The following PRUNE2 variants were observed in gnomAD, a reference collection of about 807,000 sequenced individuals.
PRUNE2 encodes protein prune homolog 2.
PRUNE2 carries 164 observed loss-of-function variants against 252.0 expected under a neutral mutation model. The ratio of observed to expected loss-of-function variants is 0.65; its 90% CI spans 0.57 to 0.74. The LOEUF (loss-of-function observed/expected upper bound fraction) is 0.74, where lower values mean the gene tolerates loss of function less well. Ranked by LOEUF, PRUNE2 falls within the 30% of genes least tolerant of loss-of-function variation. PRUNE2 has a pLI of 0.00. For missense variants in PRUNE2, 3,495 were observed against 3,711.0 expected (o/e 0.94, Z 1.51); for synonymous variants, 1,292 against 1,350.2 (o/e 0.96, Z 0.94).
chr9:76,698,331 G>A (rs1249741902), intron 9 of PRUNE2, among the ~76,000 whole-genome samples: 2 of 152,180 alleles, frequency 1.3e-5, no homozygotes, highest in African/African-American at 4.8e-5. Context: ...ACAGGCGTGA[G>A]CCACCGTGCC....
chr9:76,617,585 C>T (rs1482470880), intron 18 of PRUNE2, among the ~76,000 whole-genome samples: 2 of 152,034 alleles, frequency 1.3e-5, no homozygotes, highest in African/African-American at 4.8e-5. Context: ...GATCTTGTGC[C>T]TCTTAAGGGC....
At chr9:76,893,126 T>C (rs528285454) in intron 1 of PRUNE2, among the ~76,000 whole-genome samples, 1 of 152,208 alleles carries the variant, frequency 6.6e-6, no homozygotes, top group African/African-American at 2.4e-5. Context: ...ATGCCTGTAG[T>C]CGTAGCTACT....
chr9:76,879,931 T>TTTTTTTG (rs2061682041), intron 1 of PRUNE2, among the ~76,000 whole-genome samples: 2 of 135,174 alleles, frequency 1.5e-5, no homozygotes, highest in African/African-American at 5.8e-5. Context: ...TTTTTTTTTT[T>TTTTTTTG]GAGACGGAGT....
chr9:76,720,746 T>C (rs1045205006), intron 6 of PRUNE2, among the ~76,000 whole-genome samples: 1 of 152,210 alleles, frequency 6.6e-6, no homozygotes, highest in Non-Finnish European at 1.5e-5. Flanking sequence ...AACTTTCAAA[T>C]AATAATCACA....
intron 6 of PRUNE2, among the ~76,000 whole-genome samples, chr9:76,807,092 C>T (rs902650256): frequency 2.0e-5 from 3 of 151,396 alleles, no homozygotes; most frequent in African/African-American, 7.3e-5. Flanking sequence ...TAGACAGGGT[C>T]TTGCTTTGTT....
Position 76,613,677 on chromosome 9 carries a change from G to T in PRUNE2, c.*893C>A, listed in dbSNP as rs1345577944. 1 of 152,180 alleles carries T rather than the reference G, an allele frequency of 6.6e-6. No homozygotes were observed. Among genetic ancestry groups the T allele is most frequent in the Non-Finnish European group, 1.5e-5 (1 of 68,038 alleles). 9.4% of individuals were successfully genotyped at this position (152,180 alleles called of 1,614,324 possible). ...TACTCATATTTAATTTTAAGCCTAT[G>T]ATCAGATTACGGTGTTTTAAAGCAG... On this transcript the variant is annotated 3_prime_UTR_variant, in exon 19 of 19. Transcript: ENST00000376718.
chr9:76,823,700 T>C lies in PRUNE2; in HGVS notation c.688A>G (p.Lys230Glu). Reference sequence around the variant, plus strand: ...CCATCTGACAGCTCCTTTAGATCTTTCAACATTGTCTGTTCAATACTTAAA... The same window carrying C: ...CCATCTGACAGCTCCTTTAGATCTTCCAACATTGTCTGTTCAATACTTAAA... ...QGLSIEQTML[K>E]DLKELSDGEI... Residue 230 changes from lysine to glutamate, a missense_variant, in exon 6 of 19, where the codon AAA becomes GAA. Transcript: ENST00000376718. 6.2e-7 allele frequency: 1 copy of C among 1,610,468 alleles called. No homozygotes were observed. Among genetic ancestry groups the C allele is most frequent in the Non-Finnish European group, 8.5e-7 (1 of 1,176,742 alleles).
chr9:76,901,723 G>A (rs141696279), intron 1 of PRUNE2, among the ~76,000 whole-genome samples: 1 of 152,262 alleles, frequency 6.6e-6, no homozygotes, highest in African/African-American at 2.4e-5. Context: ...CAGAGTATGA[G>A]CTGACATTCA....
Position 76,706,783 on chromosome 9 carries a change from T to C in PRUNE2, c.5491A>G (p.Lys1831Glu), listed in dbSNP as rs1159767887. ...AGTCTCCCTTCCTGGGGTGAGGCCTTCCACCACTCAGTGCTATCAGCTGAG... is the reference window on the plus strand; with the variant it reads ...AGTCTCCCTTCCTGGGGTGAGGCCTCCCACCACTCAGTGCTATCAGCTGAG... The part of the protein sequence containing the change: ...GFSADSTEWW[K>E]ASPQEGRLIE... Residue 1831 changes from lysine (K) to glutamate (E), a missense_variant, in exon 8 of 19, where the codon AAG (lysine) becomes GAG (glutamate). Transcript: ENST00000376718. 6.2e-7 allele frequency: 1 copy of C among 1,610,860 alleles called. No individual in the cohort carries two copies. Among genetic ancestry groups the C allele is most frequent in the Middle Eastern group, 1.7e-4 (1 of 6,056 alleles).
rs1420123083 is a variant in PRUNE2, at chr9:76,710,251, C to T, written c.2023G>A (p.Glu675Lys). Residue 675 changes from glutamate (E) to lysine (K), a missense_variant, in exon 8 of 19, where the codon GAA (glutamate) becomes AAA (lysine). Coordinates refer to ENST00000376718, the MANE Select transcript of PRUNE2 (RefSeq NM_015225.3). ...KNIADAWSSSEQESVFQSPES... is the reference protein window; with the variant it reads ...KNIADAWSSSKQESVFQSPES... ...GGGCTCTGGAAAACAGATTCCTGTT[C>T]ACTGGAACTCCACGCATCTGCAATA... The T allele has an allele frequency of 6.2e-7, 1 of 1,613,940 alleles. No individual in the cohort carries two copies. Among genetic ancestry groups the T allele is most frequent in the Admixed American group, 1.7e-5 (1 of 60,024 alleles).
intron 6 of PRUNE2, among the ~76,000 whole-genome samples, chr9:76,780,907 T>C (rs942370871): frequency 2.0e-5 from 3 of 152,136 alleles, no homozygotes; most frequent in African/African-American, 7.2e-5. Context: ...CCTGCAACCC[T>C]CATCCCCGTG....
At chr9:76,793,933 A>C (rs1392625375) in intron 6 of PRUNE2, among the ~76,000 whole-genome samples, 2 of 152,174 alleles carry the variant, frequency 1.3e-5, no homozygotes, top group Non-Finnish European at 2.9e-5. Context: ...CTGCTTTTCA[A>C]AAAGGCGTGG....
At chr9:76,719,679 A>G (rs1418002169) in intron 6 of PRUNE2, among the ~76,000 whole-genome samples, 1 of 151,694 alleles carries the variant, frequency 6.6e-6, no homozygotes, top group Non-Finnish European at 1.5e-5. Flanking sequence ...TTGGGGTCTT[A>G]CTCTGTCACC....
At chr9:76,733,922 GTTGTT>G (rs1174562981) in intron 6 of PRUNE2, among the ~76,000 whole-genome samples, 2 of 136,314 alleles carry the variant, frequency 1.5e-5, no homozygotes, top group Non-Finnish European at 3.0e-5. Context: ...AAAAGTTTTA[GTTGTT>G]TTTTTTTTTT....
rs75304748 is a variant in PRUNE2 at position 76,655,203 on chromosome 9, G to T, written c.8356+220C>A. ...ATTGGCAGATAAGGCTGTGGTCTAG[G>T]AGATAAAATGCAGCCCACACTAGCG... On this transcript the variant is annotated intron_variant, in intron 10 of 18. Transcript: ENST00000376718. Among the ~76,000 whole-genome samples the T allele has an allele frequency of 1.7e-3, 262 of 152,234 alleles. 7 individuals are homozygous for T. The East Asian group carries it at 0.048, about 28-fold the overall frequency.
chr9:76,868,318 G>A (rs962118775), intron 1 of PRUNE2, among the ~76,000 whole-genome samples: 4 of 152,118 alleles, frequency 2.6e-5, no homozygotes, highest in African/African-American at 7.2e-5. Context: ...TTCCAAACAC[G>A]TTTCCAAGCC....
At chr9:76,887,838 G>A (rs964981112) in intron 1 of PRUNE2, among the ~76,000 whole-genome samples, 4 of 152,164 alleles carry the variant, frequency 2.6e-5, no homozygotes, top group African/African-American at 7.2e-5. Flanking sequence ...GAAAGCCACC[G>A]ACATTGGGGA....
At chr9:76,715,897 A>G (rs1394253097) in intron 6 of PRUNE2, among the ~76,000 whole-genome samples, 1 of 152,216 alleles carries the variant, frequency 6.6e-6, no homozygotes, top group African/African-American at 2.4e-5. Flanking sequence ...AAAAAATAAA[A>G]AGAGACTACA....
At chr9:76,891,997 C>T (rs1387106768) in intron 1 of PRUNE2, among the ~76,000 whole-genome samples, 1 of 152,142 alleles carries the variant, frequency 6.6e-6, no homozygotes, top group African/African-American at 2.4e-5. Flanking sequence ...AATAGCTTTA[C>T]TGTTCCATAA....
Sources: allele counts gnomAD v4.1 joint callset (sites outside exome capture counted in the v4.1 genomes callset), GRCh38; gene constraint gnomAD v4.1.1; transcripts MANE v1.5; gene names NCBI Gene and HGNC (gene_info 2026-07-23, HGNC 2026-07-21).